The following MMP20 variants were observed in gnomAD, a reference collection of about 807,000 sequenced individuals.
MMP20 encodes matrix metalloproteinase-20.
A neutral mutation model predicts 51.8 loss-of-function variants in MMP20; 50 were observed. That is an observed-to-expected ratio of 0.97 (90% confidence interval 0.77 to 1.22). The LOEUF is 1.22. Among genes scored for constraint, MMP20 ranks in the 50% most tolerant of loss-of-function variants. The probability of loss-of-function intolerance (pLI) is 0.00; values close to 1 mark genes in which losing one functional copy is unlikely to be tolerated. For missense variants in MMP20, 663 were observed against 601.4 expected (o/e 1.10, Z -1.07); for synonymous variants, 244 against 216.2 (o/e 1.13, Z -1.13).
chr11:102,584,101 C>G (rs572328710), intron 8 of MMP20, among the ~76,000 whole-genome samples: 1 of 152,106 alleles, frequency 6.6e-6, no homozygotes, highest in Non-Finnish European at 1.5e-5. Context: ...TTGTATACAG[C>G]TATTATGTGG....
Position 102,608,283 on chromosome 11 carries a change from T to C in MMP20, c.811+654A>G, listed in dbSNP as rs1362028916. Among the ~76,000 whole-genome samples, 3 of 152,256 alleles carry C rather than the reference T, an allele frequency of 2.0e-5. No individual in the cohort carries two copies. In the East Asian group the frequency reaches 5.8e-4, roughly 29 times the overall value. On this transcript the variant is annotated intron_variant, in intron 5 of 9. Coordinates refer to ENST00000260228, the MANE Select transcript of MMP20 (RefSeq NM_004771.4). ...AAGGATGTTTCAAGATTCCTTCTGA[T>C]GGATTAATTGGTTTGTTTTTCCCTT...
intron 8 of MMP20, among the ~76,000 whole-genome samples, chr11:102,587,160 T>G (rs2077716566): frequency 6.6e-6 from 1 of 152,164 alleles, no homozygotes; most frequent in Non-Finnish European, 1.5e-5. Flanking sequence ...TTAATTTTCA[T>G]TTATTTCTAA....
chr11:102,622,364 T>C (rs1486652479), intron 1 of MMP20, among the ~76,000 whole-genome samples: 1 of 152,246 alleles, frequency 6.6e-6, no homozygotes. Context: ...GCCTCACCTG[T>C]CCTTGGGACT....
intron 1 of MMP20, among the ~76,000 whole-genome samples, chr11:102,620,805 A>C (rs1196141554): frequency 2.0e-5 from 3 of 152,198 alleles, no homozygotes; most frequent in Admixed American, 2.0e-4. Flanking sequence ...GGCCACGACT[A>C]CACTAAATGT....
chr11:102,579,206 T>G, intron 8 of MMP20, 64 bp from the exon 9 acceptor site: 1 of 1,139,246 alleles, frequency 8.8e-7, no homozygotes, highest in South Asian at 1.3e-5. Flanking sequence ...TAGATGACAC[T>G]ATACTGGTCA....
At chr11:102,591,874 C>A (rs1859321354) in intron 8 of MMP20, among the ~76,000 whole-genome samples, 1 of 152,172 alleles carries the variant, frequency 6.6e-6, no homozygotes, top group Admixed American at 6.5e-5. Context: ...TCCAGCCTGG[C>A]TGAAGGTATA....
In MMP20 at chr11:102,616,956, G is replaced by T. The variant is rs765795227; in HGVS notation, c.230C>A (p.Ala77Glu). ...SMIRKIKELQAFFGLQVTGKL... is the reference protein window; with the variant it reads ...SMIRKIKELQEFFGLQVTGKL... ...CCCGGTGACTTGGAGGCCAAAGAAC[G>T]CTTGTAGCTCCTTAATCTTCCTTAT... is the stretch of plus-strand genomic sequence containing the variant. The change falls in exon 2 of 10, where the codon GCG (alanine) becomes GAG (glutamate). Residue 77 changes from alanine (A) to glutamate (E), a missense_variant. By Grantham distance (107) the Ala-to-Glu change is moderately radical (BLOSUM62 -1). Coordinates refer to ENST00000260228, the MANE Select transcript of MMP20 (RefSeq NM_004771.4). 1.2e-6 allele frequency: 2 copies of T among 1,614,176 alleles called. No homozygotes were observed. Among genetic ancestry groups the T allele is most frequent in the South Asian group, 1.1e-5 (1 of 91,084 alleles).
chr11:102,587,902 A>G (rs1242623198), intron 8 of MMP20, among the ~76,000 whole-genome samples: 1 of 152,140 alleles, frequency 6.6e-6, no homozygotes, highest in Admixed American at 6.5e-5. Context: ...CCAATCTGGC[A>G]GTCTTTGCCA....
chr11:102,595,521 G>T (rs1208025610), intron 6 of MMP20, among the ~76,000 whole-genome samples: 1 of 152,192 alleles, frequency 6.6e-6, no homozygotes, highest in Non-Finnish European at 1.5e-5. Context: ...ATTGTGAATA[G>T]TATGTAAATG....
intron 2 of MMP20, among the ~76,000 whole-genome samples, chr11:102,616,469 G>A (rs939519793): frequency 6.6e-5 from 10 of 152,088 alleles, no homozygotes; most frequent in African/African-American, 2.4e-4. Context: ...TTTATTAGTA[G>A]GTTATTTTTT....
At chr11:102,615,459 G>A (rs1165023286) in intron 2 of MMP20, among the ~76,000 whole-genome samples, 1 of 152,072 alleles carries the variant, frequency 6.6e-6, no homozygotes, top group African/African-American at 2.4e-5. Context: ...GAGCTATTAG[G>A]CGGCAGCTCT....
chr11:102,586,829 T>A (rs566029398), intron 8 of MMP20, among the ~76,000 whole-genome samples: 3 of 151,560 alleles, frequency 2.0e-5, no homozygotes, highest in Non-Finnish European at 4.4e-5. Context: ...AAAAAAAAAA[T>A]TGTTTCTTTT....
chr11:102,606,543 G>A lies in MMP20; in HGVS notation c.945C>T (p.Phe315=), dbSNP rs779665059. The stretch of plus-strand genomic sequence containing the variant: ...GCGTGTCTGAGGCTTACCGGTCCTT[G>A]AAGAGCAGGAGCTCCTTCCCCAGCA... ...VTMLGKELLL[F]KDRIFWRRQV... The change falls in exon 6 of 10, where the codon TTC becomes TTT. Residue 315 remains phenylalanine (F), a synonymous_variant. Transcript: ENST00000260228. The A allele has an allele frequency of 6.2e-7, 1 of 1,613,894 alleles. No homozygotes were observed. Among genetic ancestry groups the A allele is most frequent in the Non-Finnish European group, 8.5e-7 (1 of 1,179,840 alleles).
intron 5 of MMP20, 32 bp downstream of exon 5, chr11:102,608,904 AG>A: frequency 1.9e-6 from 3 of 1,609,192 alleles, no homozygotes; most frequent in South Asian, 1.1e-5. Flanking sequence ...TGCCAATTTC[AG>A]GGTGAGTCAT....
intron 3 of MMP20, 75 bp downstream of exon 3, chr11:102,611,680 A>T: frequency 6.4e-7 from 1 of 1,563,032 alleles, no homozygotes; most frequent in Middle Eastern, 1.9e-4. Context: ...GATCACTCGA[A>T]TTAAAGATGT....
chr11:102,578,862 C>G (rs1158562541), intron 9 of MMP20, among the ~76,000 whole-genome samples, 177 bp downstream of exon 9: 1 of 152,178 alleles, frequency 6.6e-6, no homozygotes, highest in African/African-American at 2.4e-5. Context: ...AATACCAGAA[C>G]TTTTACAGTT....
intron 7 of MMP20, 116 bp from the exon 8 acceptor site, chr11:102,593,711 G>T: frequency 8.7e-7 from 1 of 1,151,128 alleles, no homozygotes; most frequent in Non-Finnish European, 1.3e-6. Flanking sequence ...ACTTGCCATG[G>T]CTATAACCCA....
In MMP20 at chr11:102,609,123, A is replaced by T. The variant is rs981032685; in HGVS notation, c.650-25T>A. 3.1e-6 allele frequency: 5 copies of T among 1,610,342 alleles called. No homozygotes were observed. In the African/African-American group the frequency reaches 6.7e-5, roughly 22 times the overall value. Reference sequence around the variant, plus strand: ...CCTAGACAATATGAGAGAGAAAAAAACAGTATCAACACAGGTTTTTGTTTT... The same window carrying T: ...CCTAGACAATATGAGAGAGAAAAAATCAGTATCAACACAGGTTTTTGTTTT... On this transcript the variant is annotated intron_variant, in intron 4 of 9. Coordinates refer to ENST00000260228, the MANE Select transcript of MMP20 (RefSeq NM_004771.4).
At position 102,611,743 on chromosome 11, in the gene MMP20, G is replaced by C; in HGVS notation, c.523+12C>G. On this transcript the variant is annotated intron_variant, in intron 3 of 9. Coordinates refer to ENST00000260228, the MANE Select transcript of MMP20 (RefSeq NM_004771.4). ...CTTTGAATTAGTAGATGGAATCCAA[G>C]TACCACAATACCTCCATTTTCAAAA... 1 of 1,613,210 alleles carries C rather than the reference G, an allele frequency of 6.2e-7. No individual in the cohort carries two copies. Among genetic ancestry groups the C allele is most frequent in the Non-Finnish European group, 8.5e-7 (1 of 1,179,918 alleles).
Sources: gnomAD v4.1 joint callset for allele counts (sites outside exome capture counted in the v4.1 genomes callset) on GRCh38, gnomAD v4.1.1 for gene constraint, MANE v1.5 for transcripts, NCBI Gene and HGNC (gene_info 2026-07-23, HGNC 2026-07-21) for gene names.